Variants in TTC7B observed in about 807,000 individuals in gnomAD.
TTC7B encodes tetratricopeptide repeat protein 7B.
In TTC7B, 28 loss-of-function variants were observed where a neutral mutation model predicts 106.8. That is an observed-to-expected ratio of 0.26 (90% CI 0.19 to 0.36). The LOEUF (loss-of-function observed/expected upper bound fraction) is 0.36, where lower values mean the gene tolerates loss of function less well. TTC7B is among the 10% of genes least tolerant of loss of function. The pLI, the probability that TTC7B is intolerant of heterozygous loss-of-function variation, is 1.00. For synonymous variants in TTC7B, 405 were observed against 430.6 expected, an observed-to-expected ratio of 0.94 and a Z score of 0.74; for missense variants, 862 against 1,076.4, an observed-to-expected ratio of 0.80 and a Z score of 2.79.
rs544228240 is a variant in TTC7B, at chr14:90,789,854, C to T, written c.122-3526G>A. ...GAGCTTGCAGTAAGCGGAGATCGCG[C>T]CACTGCACTGCAGCCTGGGCAACAG... On this transcript the variant is annotated intron_variant, in intron 1 of 19. Transcript: ENST00000328459. 5.9e-5 allele frequency among the ~76,000 whole-genome samples: 9 copies of T among 151,380 alleles called. No homozygotes were observed. In the South Asian group the frequency reaches 1.9e-3, roughly 32 times the overall value.
intron 4 of TTC7B, among the ~76,000 whole-genome samples, chr14:90,732,025 T>C (rs886082688): frequency 2.0e-5 from 3 of 152,142 alleles, no homozygotes; most frequent in African/African-American, 7.2e-5. Flanking sequence ...CACAATTCCA[T>C]CACACAAAAA....
chr14:90,593,430 T>C, intron 18 of TTC7B, 56 bp downstream of exon 18: 1 of 1,501,590 alleles, frequency 6.7e-7, no homozygotes, highest in East Asian at 2.4e-5. Flanking sequence ...GGGTTGTGGG[T>C]GGGGCGGAGC....
In TTC7B at chr14:90,526,806, G is replaced by A. The variant is rs1168417882; in HGVS notation, c.*14562C>T. ...GCCTCCCCTTCCTCCATGATTGTAA[G>A]TTTCCTGAGGCCTCTCCAGCCATGC... On this transcript the variant is annotated 3_prime_UTR_variant, in exon 20 of 20. Transcript: ENST00000328459. 4 of 152,260 alleles carry A rather than the reference G, an allele frequency of 2.6e-5. No individual in the cohort carries two copies. In the East Asian group the frequency reaches 5.8e-4, roughly 22 times the overall value. The allele number at this position is 152,260 out of a possible 1,614,324, so 9.4% of individuals were successfully genotyped here.
rs1216289756 is a variant in TTC7B at position 90,807,597 on chromosome 14, C to T, written c.121+8578G>A. On this transcript the variant is annotated intron_variant, in intron 1 of 19. Coordinates refer to ENST00000328459, the MANE Select transcript of TTC7B (RefSeq NM_001010854.2). This position sits in a 1 kb window ranked among gnomAD's most constrained non-coding sequence, Gnocchi z 4.1. ...CTGCTCACTCTATTTCTTCTGATGCCCCTCTGATACCTGGTGCTGTGCCCA... is the reference window on the plus strand; with the variant it reads ...CTGCTCACTCTATTTCTTCTGATGCTCCTCTGATACCTGGTGCTGTGCCCA... 2.0e-5 allele frequency among the ~76,000 whole-genome samples: 3 copies of T among 152,174 alleles called. No homozygotes were observed. The highest frequency in any genetic ancestry group is 7.2e-5 in the African/African-American group (3 of 41,430).
intron 16 of TTC7B, among the ~76,000 whole-genome samples, chr14:90,616,541 G>A (rs1020334426): frequency 9.9e-5 from 15 of 151,930 alleles, no homozygotes; most frequent in South Asian, 8.3e-4. Flanking sequence ...GCTGCCTGGC[G>A]GTGGGCAGGG....
At chr14:90,737,546 GTTTTT>G (rs71461922) in intron 4 of TTC7B, among the ~76,000 whole-genome samples, 13 of 91,744 alleles carry the variant, frequency 1.4e-4, no homozygotes, top group South Asian at 4.3e-4. Context: ...GTATGATTCT[GTTTTT>G]TTTTTTTTTT....
At position 90,529,032 on chromosome 14, in the gene TTC7B, G is replaced by A; in HGVS notation, c.*12336C>T. On this transcript the variant is annotated 3_prime_UTR_variant, in exon 20 of 20. Transcript: ENST00000328459. ...TGAGCTTTGTTACCTGTTTCTGATG[G>A]TGTGACCTGACTGCTTTGTTACCTG... The A allele has an allele frequency of 6.4e-6, 1 of 155,808 alleles. No individual in the cohort carries two copies. Among genetic ancestry groups the A allele is most frequent in the Admixed American group, 6.5e-5 (1 of 15,308 alleles). 9.7% of individuals were successfully genotyped at this position (155,808 alleles called of 1,614,324 possible). A position where few individuals can be genotyped will look rare whatever the true frequency, so the allele number is the denominator to read the frequency against.
rs536330896 is a variant in TTC7B, at chr14:90,578,249, C to A, written c.2167G>T (p.Ala723Ser). 1 of 1,614,212 alleles carries A rather than the reference C, an allele frequency of 6.2e-7. No homozygotes were observed. Among genetic ancestry groups the A allele is most frequent in the African/African-American group, 1.3e-5 (1 of 75,060 alleles). The change falls in exon 19 of 20, where the codon GCC becomes TCC. Residue 723 changes from alanine (A) to serine (S), a missense_variant. Transcript: ENST00000328459. The surrounding 1 kb of genome is among the most constrained non-coding windows in gnomAD (Gnocchi z 4.7). Reference sequence around the variant, plus strand: ...TTGTGGGACATTGGGAAGAGGTTGGCAGCTTCTTGGGTACAGGCTGTGGCT... The same window carrying A: ...TTGTGGGACATTGGGAAGAGGTTGGAAGCTTCTTGGGTACAGGCTGTGGCT... ...AEATACTQEA[A>S]NLFPMSHNVL...
intron 17 of TTC7B, among the ~76,000 whole-genome samples, chr14:90,598,248 T>C (rs1257686692): frequency 6.6e-6 from 1 of 152,214 alleles, no homozygotes; most frequent in Non-Finnish European, 1.5e-5. Context: ...CTAGCACAGG[T>C]CTGTCGTCAA....
rs147216383 is a variant in TTC7B, at chr14:90,759,223, G to T, written c.446-14301C>A. 6.6e-6 allele frequency among the ~76,000 whole-genome samples: 1 copy of T among 152,044 alleles called. No individual in the cohort carries two copies. The highest frequency in any genetic ancestry group is 1.9e-4 in the East Asian group (1 of 5,182). Reference sequence around the variant, plus strand: ...ACAGAACAATCTGTGTTCTGCTCCCGCCCCCGAGAGAGTTCTGAGCTTTCC... The same window carrying T: ...ACAGAACAATCTGTGTTCTGCTCCCTCCCCCGAGAGAGTTCTGAGCTTTCC... On this transcript the variant is annotated intron_variant, in intron 3 of 19. Coordinates refer to ENST00000328459, the MANE Select transcript of TTC7B (RefSeq NM_001010854.2). The surrounding 1 kb of genome is among the most constrained non-coding windows in gnomAD (Gnocchi z 4.1).
intron 11 of TTC7B, among the ~76,000 whole-genome samples, 174 bp from the exon 12 acceptor site, chr14:90,655,284 C>T (rs972615607): frequency 2.6e-5 from 4 of 152,168 alleles, no homozygotes; most frequent in Admixed American, 6.5e-5. Flanking sequence ...TCTAACAGTT[C>T]GCAGGATTCC....
At chr14:90,623,157 T>C (rs1884284126) in intron 15 of TTC7B, among the ~76,000 whole-genome samples, 1 of 152,102 alleles carries the variant, frequency 6.6e-6, no homozygotes, top group South Asian at 2.1e-4. Flanking sequence ...GAAACATAAT[T>C]ATAAAAAACA....
chr14:90,691,224 T>C (rs1245114169), intron 6 of TTC7B, among the ~76,000 whole-genome samples: 5 of 152,178 alleles, frequency 3.3e-5, no homozygotes, highest in African/African-American at 4.8e-5. Context: ...CTGAATACAT[T>C]TGCCATGGAG....
intron 18 of TTC7B, among the ~76,000 whole-genome samples, chr14:90,586,198 C>A (rs572671603): frequency 6.6e-6 from 1 of 152,320 alleles, no homozygotes; most frequent in African/African-American, 2.4e-5. Context: ...GCCGCGATGC[C>A]GTCTGCGCTG....
intron 5 of TTC7B, among the ~76,000 whole-genome samples, chr14:90,705,968 G>A (rs1431438548): frequency 6.6e-6 from 1 of 151,996 alleles, no homozygotes; most frequent in East Asian, 1.9e-4. Flanking sequence ...TGTATTTCCT[G>A]CAATTTGGCA....
chr14:90,548,906 T>C (rs539311918), intron 19 of TTC7B, among the ~76,000 whole-genome samples: 46 of 152,122 alleles, frequency 3.0e-4, no homozygotes, highest in Non-Finnish European at 4.7e-4. Context: ...GGTGGGTGGA[T>C]CACAAGGTCA....
chr14:90,726,230 G>T lies in TTC7B; in HGVS notation c.698+3845C>A, dbSNP rs138164738. 2.6e-3 allele frequency among the ~76,000 whole-genome samples: 389 copies of T among 152,354 alleles called. 4 individuals are homozygous for T. Among genetic ancestry groups the T allele is most frequent in the East Asian group, 0.025 (131 of 5,186 alleles). On this transcript the variant is annotated intron_variant, in intron 5 of 19. Transcript: ENST00000328459. The stretch of plus-strand genomic sequence containing the variant: ...TCAGAAGGCCGAGGGGAACCCGAGG[G>T]TGAGGCCGTTTCTCTGCTGCTAGCT...
intron 15 of TTC7B, among the ~76,000 whole-genome samples, chr14:90,622,541 C>T (rs1309064517): frequency 2.0e-5 from 3 of 150,120 alleles, no homozygotes; most frequent in Non-Finnish European, 4.4e-5. Flanking sequence ...CCAGCCTGGG[C>T]AACATGGTGA....
chr14:90,716,342 G>A (rs888911900), intron 5 of TTC7B, among the ~76,000 whole-genome samples: 2 of 152,198 alleles, frequency 1.3e-5, no homozygotes, highest in Admixed American at 6.5e-5. Flanking sequence ...ATTAGAGAAT[G>A]GGGGATTCTG....
Sources: allele counts gnomAD v4.1 joint callset (sites outside exome capture counted in the v4.1 genomes callset), GRCh38; gene constraint gnomAD v4.1.1; non-coding constraint Gnocchi (gnomAD v3.1); transcripts MANE v1.5; gene names NCBI Gene and HGNC (gene_info 2026-07-23, HGNC 2026-07-21).